ZNF518A: variants seen among roughly 807,000 people sequenced by gnomAD.
ZNF518A encodes the protein zinc finger protein 518.
Under a neutral mutation model 102.7 loss-of-function variants are expected in ZNF518A, and 47 were observed. The ratio of observed to expected loss-of-function variants is 0.46; its 90% CI spans 0.36 to 0.58. ZNF518A has a LOEUF of 0.58. Among genes scored for constraint, ZNF518A ranks in the 20% least tolerant of loss-of-function variants. The pLI, the probability that ZNF518A is intolerant of heterozygous loss-of-function variation, is 0.00. For synonymous variants in ZNF518A, 652 were observed against 594.6 expected (o/e 1.10, Z -1.40); for missense variants, 1,793 against 1,699.8 (o/e 1.05, Z -0.96).
chr10:96,149,628 A>G (rs2082335716), intron 3 of ZNF518A, among the ~76,000 whole-genome samples: 1 of 152,200 alleles, frequency 6.6e-6, no homozygotes, highest in Admixed American at 6.5e-5. Context: ...TCAGAATGTA[A>G]AATGTGTTAG....
intron 1 of ZNF518A, among the ~76,000 whole-genome samples, chr10:96,185,593 G>A (rs1564804907): frequency 6.6e-6 from 1 of 152,212 alleles, no homozygotes; most frequent in Admixed American, 6.5e-5. Flanking sequence ...GGAGTTTGCT[G>A]GAGGTCCACT....
At chr10:96,174,318 G>T (rs1220385372) in intron 1 of ZNF518A, among the ~76,000 whole-genome samples, 4 of 152,018 alleles carry the variant, frequency 2.6e-5, no homozygotes, top group Non-Finnish European at 5.9e-5. Flanking sequence ...TCATAAAAAT[G>T]AGATGGAAGG....
At chr10:96,203,782 TAA>T (rs5787172) in intron 2 of ZNF518A, 11,590 of 222,174 alleles carry the variant, frequency 0.052, no homozygotes, top group Middle Eastern at 0.08. Flanking sequence ...ATTGTTTTTG[TAA>T]AAAAAAAAAA....
At position 96,156,416 on chromosome 10, in the gene ZNF518A, G is replaced by T. The variant is rs782161061; in HGVS notation, c.94G>T (p.Ala32Ser). Residue 32 changes from alanine to serine, a missense_variant, in exon 6 of 6, where the codon GCA (alanine) becomes TCA (serine). Transcript: ENST00000316045. Reference sequence around the variant, plus strand: ...GAAAAATGAGATAGTTGATAGGTCGGCACCTAAACCAAAAATTTCAGGAAG... The same window carrying T: ...GAAAAATGAGATAGTTGATAGGTCGTCACCTAAACCAAAAATTTCAGGAAG... ...DVKNEIVDRSAPKPKISGSIH... is the reference protein window; with the variant it reads ...DVKNEIVDRSSPKPKISGSIH... 12 of 1,612,288 alleles carry T rather than the reference G, an allele frequency of 7.4e-6. No homozygotes were observed. The African/African-American group carries it at 1.5e-4, about 20-fold the overall frequency.
At chr10:96,192,949 T>A (rs922670391) in intron 1 of ZNF518A, among the ~76,000 whole-genome samples, 3 of 152,184 alleles carry the variant, frequency 2.0e-5, no homozygotes, top group Admixed American at 2.0e-4. Flanking sequence ...ATTTTCTCGA[T>A]TTTTTAGATA....
intron 1 of ZNF518A, chr10:96,203,436 A>G (rs1378590769): frequency 1.3e-5 from 2 of 152,188 alleles, no homozygotes; most frequent in Non-Finnish European, 2.9e-5. Context: ...AAGCTTTATT[A>G]TTTTGGAATA....
intron 1 of ZNF518A, among the ~76,000 whole-genome samples, chr10:96,170,832 T>C (rs2083168985): frequency 6.6e-6 from 1 of 152,162 alleles, no homozygotes; most frequent in Non-Finnish European, 1.5e-5. Context: ...ATATCATACA[T>C]CTGATTATGC....
intron 3 of ZNF518A, among the ~76,000 whole-genome samples, chr10:96,137,148 T>C (rs1029230581): frequency 6.6e-6 from 1 of 152,254 alleles, no homozygotes; most frequent in African/African-American, 2.4e-5. Context: ...CTAGTTACTA[T>C]AGATGGATCA....
chr10:96,194,573 G>GA (rs1410697957), intron 1 of ZNF518A, among the ~76,000 whole-genome samples: 1 of 151,992 alleles, frequency 6.6e-6, no homozygotes, highest in African/African-American at 2.4e-5. Context: ...TATGGAGTGG[G>GA]AAAAATATTT....
chr10:96,148,421 C>G (rs1305047713), intron 3 of ZNF518A, among the ~76,000 whole-genome samples: 1 of 151,956 alleles, frequency 6.6e-6, no homozygotes, highest in Non-Finnish European at 1.5e-5. Flanking sequence ...GCCTGGGCAA[C>G]AAGAGTGGAA....
Position 96,160,195 on chromosome 10 carries a change from A to G in ZNF518A, c.3873A>G (p.Arg1291=), listed in dbSNP as rs370775379. ...ATAGTTACCAAGAACCTCCAAGAAG[A>G]AAAGCAACATTGCATAGAAAGTGTA... is the stretch of plus-strand genomic sequence containing the variant. ...CRDSYQEPPR[R]KATLHRKCKE... is the part of the protein sequence containing the mutation. Residue 1291 remains arginine (R), a synonymous_variant, in exon 6 of 6, where the codon AGA becomes AGG. Coordinates refer to ENST00000316045, the MANE Select transcript of ZNF518A (RefSeq NM_001330736.2). The G allele has an allele frequency of 1.2e-6, 2 of 1,609,684 alleles. No individual in the cohort carries two copies. The highest frequency in any genetic ancestry group is 2.7e-5 in the African/African-American group (2 of 74,574).
chr10:96,142,305 G>GGTGTGTGTGTGTGTGT (rs60624825), intron 3 of ZNF518A, among the ~76,000 whole-genome samples: 13 of 104,044 alleles, frequency 1.2e-4, no homozygotes, highest in Admixed American at 8.9e-4. Flanking sequence ...ATATTCTTAG[G>GGTGTGTGTGTGTGTGT]GTGTGTGTGT....
At chr10:96,198,793 G>A (rs587719249) in intron 1 of ZNF518A, among the ~76,000 whole-genome samples, 1 of 152,280 alleles carries the variant, frequency 6.6e-6, no homozygotes, top group Non-Finnish European at 1.5e-5. Flanking sequence ...CCGCCTCCTA[G>A]GCCCAACCGA....
rs1338612550 is a variant in ZNF518A at position 96,158,496 on chromosome 10, G to A, written c.2174G>A (p.Gly725Glu). 7 of 1,612,338 alleles carry A rather than the reference G, an allele frequency of 4.3e-6. No homozygotes were observed. Among genetic ancestry groups the A allele is most frequent in the Non-Finnish European group, 5.9e-6 (7 of 1,179,516 alleles). The change falls in exon 6 of 6, where the codon GGA becomes GAA. Residue 725 changes from glycine to glutamate, a missense_variant. Gly to Glu is a moderately conservative substitution (Grantham distance 98). This residue lies in a region of ZNF518A where 1,741 missense variants were observed against 1,622.6 expected (regional missense o/e 1.07). Transcript: ENST00000316045. ...EIEEQYVLEK[G>E]QNIDGQNLYS... The stretch of plus-strand genomic sequence containing the variant: ...GAAGAACAGTATGTTTTAGAAAAAG[G>A]ACAAAACATTGATGGACAAAACCTG...
Position 96,155,343 on chromosome 10 carries a change from CAG to C in ZNF518A, c.-281_-280del, listed in dbSNP as rs1441421833. ...TTTTACAGATGAAGGAACTGAGACA[CAG>C]AGGTTGAGACTTGTCTAAAGTAACA... is the stretch of plus-strand genomic sequence containing the variant. On this transcript the variant is annotated 5_prime_UTR_variant, in exon 4 of 6. An upstream open reading frame in the 5' UTR loses its in-frame stop. Transcript: ENST00000316045. 7 of 152,152 alleles carry C rather than the reference CAG, an allele frequency of 4.6e-5. No individual in the cohort carries two copies. Among genetic ancestry groups the C allele is most frequent in the Non-Finnish European group, 8.8e-5 (6 of 68,022 alleles). 9.4% of individuals were successfully genotyped at this position (152,152 alleles called of 1,614,324 possible).
In ZNF518A at chr10:96,200,912, TCTC is replaced by T; in HGVS notation, n.36-2661_36-2659del. 3.0e-6 allele frequency: 4 copies of T among 1,350,886 alleles called. No homozygotes were observed. The highest frequency in any genetic ancestry group is 4.3e-6 in the Non-Finnish European group (4 of 940,336). 83.7% of individuals were successfully genotyped at this position (1,350,886 alleles called of 1,614,324 possible). On this transcript the variant is annotated intron_variant and non_coding_transcript_variant, in intron 1 of 2. Coordinates refer to the ZNF518A transcript ENST00000442635. The surrounding 1 kb of genome is among the most constrained non-coding windows in gnomAD (Gnocchi z 4.3). Reference sequence around the variant, plus strand: ...TCAAGGTTCACTCCAAATGTCTTCTTCTCAGAAGACATGCTCTTTCCTGCAGTT... The same window carrying T: ...TCAAGGTTCACTCCAAATGTCTTCTTAGAAGACATGCTCTTTCCTGCAGTT...
Position 96,175,922 on chromosome 10 carries a change from CCTTCCTTCCTTCCTTT to C in ZNF518A, n.35+19879_35+19894del, listed in dbSNP as rs1206872043. ...TCCTTCCTTCCTTCCTTCCTTCCTT[CCTTCCTTCCTTCCTTT>C]CTTTCCTCCTTCCTTTCTTTTGTTT... is the stretch of plus-strand genomic sequence containing the variant. On this transcript the variant is annotated intron_variant and non_coding_transcript_variant, in intron 1 of 2. Coordinates refer to the ZNF518A transcript ENST00000442635. Among the ~76,000 whole-genome samples, 18 of 126,010 alleles carry C rather than the reference CCTTCCTTCCTTCCTTT, an allele frequency of 1.4e-4. No homozygotes were observed. The East Asian group carries it at 3.0e-3, about 21-fold the overall frequency. The allele number at this position is 126,010 out of a possible 152,430, so 82.7% of individuals were successfully genotyped here.
intron 1 of ZNF518A, chr10:96,192,239 G>T: frequency 2.6e-6 from 3 of 1,132,304 alleles, no homozygotes; most frequent in Admixed American, 4.2e-5. Flanking sequence ...TTTAACAAAG[G>T]CTGTAACCTT....
At chr10:96,167,990 A>G (rs2083152290), downstream of ZNF518A, among the ~76,000 whole-genome samples, 1 of 152,238 alleles carries the variant, frequency 6.6e-6, no homozygotes, top group Non-Finnish European at 1.5e-5. Flanking sequence ...AATTTGCTCT[A>G]TATGCCTTCA....
Sources: gnomAD v4.1 joint callset for allele counts (sites outside exome capture counted in the v4.1 genomes callset) on GRCh38, gnomAD v4.1.1 for gene constraint, gnomAD v4.1.1 regional missense constraint, Gnocchi (gnomAD v3.1) non-coding constraint, MANE v1.5 for transcripts, NCBI Gene and HGNC (gene_info 2026-07-23, HGNC 2026-07-21) for gene names.